Variants in CACNA1C observed in about 807,000 individuals in gnomAD.
CACNA1C encodes the protein voltage-dependent L-type calcium channel subunit alpha-1C.
Under a neutral mutation model 229.0 loss-of-function variants are expected in CACNA1C, and 30 were observed. The ratio of observed to expected loss-of-function variants is 0.13; its 90% CI spans 0.10 to 0.18. The LOEUF (loss-of-function observed/expected upper bound fraction) is 0.18, where lower values mean the gene tolerates loss of function less well. Among genes scored for constraint, CACNA1C ranks in the 10% least tolerant of loss-of-function variants. The pLI is 1.00. For synonymous variants in CACNA1C, 1,114 were observed against 1,132.5 expected (o/e 0.98, Z 0.33); for missense variants, 1,658 against 2,845.0 (o/e 0.58, Z 9.49).
chr12:2,456,095 C>A (rs960547455), intron 4 of CACNA1C, among the ~76,000 whole-genome samples: 1 of 152,246 alleles, frequency 6.6e-6, no homozygotes, highest in Non-Finnish European at 1.5e-5. Flanking sequence ...AAGTTCTCAG[C>A]AGAACGCTTA....
intron 3 of CACNA1C, among the ~76,000 whole-genome samples, chr12:2,249,910 A>G (rs1319495365): frequency 6.6e-6 from 1 of 151,708 alleles, no homozygotes; most frequent in Non-Finnish European, 1.5e-5. Flanking sequence ...CCGGGTTCAC[A>G]CCATTCTCCT....
intron 13 of CACNA1C, among the ~76,000 whole-genome samples, chr12:2,571,684 CAG>C (rs2054513913): frequency 6.6e-6 from 1 of 151,110 alleles, no homozygotes; most frequent in Non-Finnish European, 1.5e-5. Flanking sequence ...AGTCTATAAA[CAG>C]AAAAAATCAT....
Position 2,678,917 on chromosome 12 carries a change from GA to G in CACNA1C, c.5092-522del, listed in dbSNP as rs1397696638. Among the ~76,000 whole-genome samples the G allele has an allele frequency of 1.3e-5, 2 of 152,322 alleles. No homozygotes were observed. Among genetic ancestry groups the G allele is most frequent in the Non-Finnish European group, 1.5e-5 (1 of 68,028 alleles). On this transcript the variant is annotated intron_variant, in intron 41 of 46. Transcript: ENST00000399655. The surrounding 1 kb of genome is among the most constrained non-coding windows in gnomAD (Gnocchi z 4.1). The stretch of plus-strand genomic sequence containing the variant: ...TTAAATCTCTCTGAGTCCCCGAGGG[GA>G]AAAAGACCATCATGCAGGAAATTCT...
At chr12:2,553,713 G>A (rs997386654) in intron 10 of CACNA1C, among the ~76,000 whole-genome samples, 6 of 152,162 alleles carry the variant, frequency 3.9e-5, no homozygotes, top group South Asian at 2.1e-4. Flanking sequence ...GTGGTATCGC[G>A]GGCAACATTG....
rs1325795936 is a variant in CACNA1C, at chr12:2,215,056, G to A, written c.477+94626G>A. Among the ~76,000 whole-genome samples the A allele has an allele frequency of 3.9e-5, 6 of 152,112 alleles. No individual in the cohort carries two copies. Among genetic ancestry groups the A allele is most frequent in the Non-Finnish European group, 8.8e-5 (6 of 68,038 alleles). Reference sequence around the variant, plus strand: ...GTCGGGAGGAGCCGGAGGCAGTGAGGACCTGCATTGCAGCGGGTGTGTCGG... The same window carrying A: ...GTCGGGAGGAGCCGGAGGCAGTGAGAACCTGCATTGCAGCGGGTGTGTCGG... On this transcript the variant is annotated intron_variant, in intron 3 of 46. Transcript: ENST00000399655. The surrounding 1 kb of genome is among the most constrained non-coding windows in gnomAD (Gnocchi z 5.0).
At chr12:2,421,543 A>G (rs759583146) in intron 3 of CACNA1C, among the ~76,000 whole-genome samples, 24 of 152,318 alleles carry the variant, frequency 1.6e-4, no homozygotes, top group Non-Finnish European at 3.1e-4. Flanking sequence ...GTTTAATTCT[A>G]TCTCACTACA....
chr12:2,178,865 C>T (rs2096746883), intron 3 of CACNA1C, among the ~76,000 whole-genome samples: 1 of 152,110 alleles, frequency 6.6e-6, no homozygotes, highest in Admixed American at 6.5e-5. Flanking sequence ...AGTTCAAGAC[C>T]AGCCTGGCCA....
intron 1 of CACNA1C, among the ~76,000 whole-genome samples, chr12:1,999,461 C>T (rs966389094): frequency 1.3e-5 from 2 of 152,164 alleles, no homozygotes; most frequent in African/African-American, 4.8e-5. Context: ...TCTGTAATCC[C>T]AGCACTCTGG....
At chr12:2,267,108 G>T (rs1015183521) in intron 3 of CACNA1C, among the ~76,000 whole-genome samples, 4 of 152,160 alleles carry the variant, frequency 2.6e-5, no homozygotes, top group African/African-American at 9.7e-5. Context: ...GAGAGCAGGG[G>T]TTCTACGGGT....
intron 18 of CACNA1C, among the ~76,000 whole-genome samples, chr12:2,592,179 G>A (rs2065689886): frequency 6.6e-6 from 1 of 152,214 alleles, no homozygotes; most frequent in African/African-American, 2.4e-5. Flanking sequence ...GGGAATAATA[G>A]GTGGTAAGGA....
intron 5 of CACNA1C, among the ~76,000 whole-genome samples, chr12:2,478,955 C>G (rs774436145): frequency 6.6e-6 from 1 of 152,154 alleles, no homozygotes; most frequent in Non-Finnish European, 1.5e-5. Flanking sequence ...AGCCTGGGTA[C>G]GCCTGTCTCT....
chr12:2,577,870 C>CTTTTT (rs34284324), intron 13 of CACNA1C, among the ~76,000 whole-genome samples: 120 of 138,126 alleles, frequency 8.7e-4, no homozygotes, highest in African/African-American at 3.1e-3. Context: ...AGTAATTATT[C>CTTTTT]TTTTTTTTTT....
In CACNA1C at chr12:2,455,087, C is replaced by T. The variant is rs562127174; in HGVS notation, c.618-2480C>T. On this transcript the variant is annotated intron_variant, in intron 4 of 46. Coordinates refer to ENST00000399655, the MANE Select transcript of CACNA1C (RefSeq NM_000719.7). ...CCCCTTCTTGCCAGTGAAGGAGCTCCGTCCTTCCAGCAATGGTTCCCTCTC... is the reference window on the plus strand; with the variant it reads ...CCCCTTCTTGCCAGTGAAGGAGCTCTGTCCTTCCAGCAATGGTTCCCTCTC... 3.2e-4 allele frequency among the ~76,000 whole-genome samples: 49 copies of T among 152,284 alleles called. No individual in the cohort carries two copies. The South Asian group carries it at 9.7e-3, about 30-fold the overall frequency.
chr12:2,398,080 G>A (rs1033061698), intron 3 of CACNA1C, among the ~76,000 whole-genome samples: 1 of 152,246 alleles, frequency 6.6e-6, no homozygotes, highest in African/African-American at 2.4e-5. Flanking sequence ...CAATTAGAAG[G>A]AAGAGAGCCA....
At chr12:2,648,601 C>T in intron 31 of CACNA1C, 94 bp downstream of exon 31, 1 of 1,122,240 alleles carries the variant, frequency 8.9e-7, no homozygotes, top group Non-Finnish European at 1.4e-6. Flanking sequence ...CCCTGGGAGC[C>T]CTGCCTGGCT....
rs75992013 is a variant in CACNA1C at position 2,350,592 on chromosome 12, C to T, written c.478-98384C>T. On this transcript the variant is annotated intron_variant, in intron 3 of 46. Coordinates refer to ENST00000399655, the MANE Select transcript of CACNA1C (RefSeq NM_000719.7). ...ACAGAAGAGGAAGTGTGCTGGGCTG[C>T]GGGGCCATTGATGCCCATGAACTGA... Among the ~76,000 whole-genome samples the T allele has an allele frequency of 3.0e-3, 464 of 152,268 alleles. 3 individuals carry two copies. The highest frequency in any genetic ancestry group is 8.2e-3 in the African/African-American group (340 of 41,556).
upstream of CACNA1C, among the ~76,000 whole-genome samples, chr12:2,051,547 G>C (rs1476367765): frequency 6.6e-6 from 1 of 152,212 alleles, no homozygotes; most frequent in Non-Finnish European, 1.5e-5. Context: ...GGAGAAACCT[G>C]GGTGAAGGAT....
In CACNA1C at chr12:2,646,854, C is replaced by T. The variant is rs1002289625; in HGVS notation, c.3913-1621C>T. On this transcript the variant is annotated intron_variant, in intron 30 of 46. Transcript: ENST00000399655. The surrounding 1 kb of genome is among the most constrained non-coding windows in gnomAD (Gnocchi z 4.6). ...TCTGTGTTCAATCTCAGTCTGCTAG[C>T]CAAATCCTAGGGACCCCACACCCTG... Among the ~76,000 whole-genome samples the T allele has an allele frequency of 1.3e-5, 2 of 151,902 alleles. No individual in the cohort carries two copies. The highest frequency in any genetic ancestry group is 4.8e-5 in the African/African-American group (2 of 41,348).
chr12:1,999,784 TA>T (rs2041765503), intron 1 of CACNA1C, among the ~76,000 whole-genome samples: 3 of 152,280 alleles, frequency 2.0e-5, no homozygotes, highest in African/African-American at 7.2e-5. Flanking sequence ...TTCCCTAACA[TA>T]AAAGCATAGG....
Sources: allele counts gnomAD v4.1 joint callset (sites outside exome capture counted in the v4.1 genomes callset), GRCh38; gene constraint gnomAD v4.1.1; non-coding constraint Gnocchi (gnomAD v3.1); transcripts MANE v1.5; gene names NCBI Gene and HGNC (gene_info 2026-07-23, HGNC 2026-07-21).